Variants in C9orf43 observed in about 807,000 individuals in gnomAD.
The protein encoded by C9orf43 is uncharacterized protein C9orf43.
A neutral mutation model predicts 59.1 loss-of-function variants in C9orf43; 45 were observed. That is an observed-to-expected ratio of 0.76 (90% CI 0.60 to 0.98). C9orf43 has a LOEUF of 0.98. Among genes scored for constraint, C9orf43 ranks in the 50% least tolerant of loss-of-function variants. The pLI, the probability that C9orf43 is intolerant of heterozygous loss-of-function variation, is 0.00. For synonymous variants in C9orf43, 203 were observed against 196.8 expected (o/e 1.03, Z -0.26); for missense variants, 533 against 554.9 (o/e 0.96, Z 0.40).
rs1046445000 is a variant in C9orf43 at position 113,425,273 on chromosome 9, G to T, written c.866-71G>T. ...CCAGGGAGTCACCATTGTGAAGGAAGGCACAGCAGGCATTCCAGTGGGAGA... is the reference window on the plus strand; with the variant it reads ...CCAGGGAGTCACCATTGTGAAGGAATGCACAGCAGGCATTCCAGTGGGAGA... On this transcript the variant is annotated intron_variant, in intron 9 of 13. Coordinates refer to ENST00000374165, the MANE Select transcript of C9orf43 (RefSeq NM_001278629.2). 54 of 1,595,028 alleles carry T rather than the reference G, an allele frequency of 3.4e-5. No homozygotes were observed. The African/African-American group carries it at 6.6e-4, about 19-fold the overall frequency.
At chr9:113,413,057 A>G (rs1828229280) in intron 1 of C9orf43, among the ~76,000 whole-genome samples, 1 of 152,230 alleles carries the variant, frequency 6.6e-6, no homozygotes, top group Admixed American at 6.5e-5. Context: ...ATGACTAACG[A>G]AGGGGAAAAG....
chr9:113,420,600 A>C (rs1235184565), intron 4 of C9orf43, among the ~76,000 whole-genome samples: 1 of 151,698 alleles, frequency 6.6e-6, no homozygotes. Flanking sequence ...TTCCTTGAGC[A>C]CTATGTTCTA....
At chr9:113,421,041 C>G (rs1429834741) in intron 4 of C9orf43, 62 bp from the exon 5 acceptor site, 3 of 1,311,036 alleles carry the variant, frequency 2.3e-6, no homozygotes. Context: ...TTAGCATATC[C>G]TTAATCTGAT....
At chr9:113,427,580 T>C (rs931387204) in intron 11 of C9orf43, among the ~76,000 whole-genome samples, 55 of 152,352 alleles carry the variant, frequency 3.6e-4, no homozygotes, top group African/African-American at 1.3e-3. Flanking sequence ...GTTTGTTTTT[T>C]AAAGCTCTTC....
Position 113,429,208 on chromosome 9 carries a change from A to G in C9orf43, c.1208A>G (p.Asp403Gly). 6.2e-7 allele frequency: 1 copy of G among 1,614,188 alleles called. No homozygotes were observed. Among genetic ancestry groups the G allele is most frequent in the Non-Finnish European group, 8.5e-7 (1 of 1,180,034 alleles). Reference protein sequence around the residue: ...ELYETEPTNKDISAPVDAVPE... With the variant: ...ELYETEPTNKGISAPVDAVPE... ...TATGAAACAGAACCCACTAACAAGG[A>G]CATTAGTGCTCCAGTGGACGCTGTG... Residue 403 changes from aspartate to glycine, a missense_variant, in exon 14 of 14, where the codon GAC (aspartate) becomes GGC (glycine). By Grantham distance (94) the Asp-to-Gly change is moderately conservative. Coordinates refer to ENST00000374165, the MANE Select transcript of C9orf43 (RefSeq NM_001278629.2).
intron 11 of C9orf43, among the ~76,000 whole-genome samples, chr9:113,427,481 A>G (rs1828835482): frequency 6.6e-6 from 1 of 152,354 alleles, no homozygotes; most frequent in South Asian, 2.1e-4. Flanking sequence ...CCAGCCAAGA[A>G]GCTTTTAAAA....
chr9:113,419,237 T>C, intron 4 of C9orf43, 72 bp downstream of exon 4: 4 of 1,152,478 alleles, frequency 3.5e-6, no homozygotes, highest in Non-Finnish European at 5.1e-6. Flanking sequence ...ATTCTGCCTT[T>C]ATTTGAAATT....
rs1197266068 is a variant in C9orf43 at position 113,425,056 on chromosome 9, T to C, written c.845T>C (p.Leu282Ser). 2 of 1,613,330 alleles carry C rather than the reference T, an allele frequency of 1.2e-6. No homozygotes were observed. The highest frequency in any genetic ancestry group is 8.5e-7 in the Non-Finnish European group (1 of 1,179,968). ...ALRYPERLKK[L>S]HNLKTEGYRK... ...CGATATCCTGAACGTTTGAAGAAAT[T>C]ACATAACCTGAAGACAGAAGGTAGA... Residue 282 changes from leucine to serine, a missense_variant, in exon 9 of 14, where the codon TTA becomes TCA. Leu to Ser is a moderately radical substitution (Grantham distance 145). Transcript: ENST00000374165.
intron 13 of C9orf43, 56 bp from the exon 14 acceptor site, chr9:113,429,116 T>G: frequency 1.9e-6 from 3 of 1,560,474 alleles, no homozygotes; most frequent in Non-Finnish European, 2.6e-6. Flanking sequence ...CTGTCCTCCA[T>G]TTGTTGTAGT....
intron 5 of C9orf43, 117 bp from the exon 6 acceptor site, chr9:113,422,432 A>C (rs1828612283): frequency 7.8e-6 from 11 of 1,402,840 alleles, no homozygotes; most frequent in Non-Finnish European, 8.7e-6. Flanking sequence ...TGTGGTCATC[A>C]TTCACAAATA....
chr9:113,421,219 G>T lies in C9orf43; in HGVS notation c.446+16G>T. On this transcript the variant is annotated intron_variant, in intron 5 of 13. Transcript: ENST00000374165. ...TACATGTGAGGTGAGTATCATATCT[G>T]GAACTCAGAGGACTTTGACTCTATA... 1 of 1,552,478 alleles carries T rather than the reference G, an allele frequency of 6.4e-7. No individual in the cohort carries two copies. Among genetic ancestry groups the T allele is most frequent in the Non-Finnish European group, 8.9e-7 (1 of 1,124,440 alleles).
intron 10 of C9orf43, 101 bp from the exon 11 acceptor site, chr9:113,425,542 C>A (rs967433448): frequency 8.1e-6 from 12 of 1,484,424 alleles, no homozygotes; most frequent in Admixed American, 2.1e-5. Flanking sequence ...AAGTTCTTGT[C>A]TGGTTGTAGA....
intron 10 of C9orf43, 106 bp downstream of exon 10, chr9:113,425,526 G>C: frequency 6.7e-7 from 1 of 1,490,330 alleles, no homozygotes; most frequent in Non-Finnish European, 9.1e-7. Context: ...TCTGGTTATA[G>C]ATAAAAAGTT....
intron 4 of C9orf43, 42 bp from the exon 5 acceptor site, chr9:113,421,061 T>C: frequency 6.9e-7 from 1 of 1,456,654 alleles, no homozygotes; most frequent in Non-Finnish European, 9.6e-7. Context: ...TATAGGAGCT[T>C]AGCACCTCAA....
rs780986577 is a variant in C9orf43, at chr9:113,428,954, A to G, written c.1162A>G (p.Ser388Gly). The change falls in exon 13 of 14, where the codon AGT becomes GGT. Residue 388 changes from serine to glycine, a missense_variant. Physicochemically the swap from Ser to Gly is moderately conservative, Grantham distance 56 (BLOSUM62 0). Coordinates refer to ENST00000374165, the MANE Select transcript of C9orf43 (RefSeq NM_001278629.2). ...CTATGACCATGCGGATTTCCACCAC[A>G]GTGTAAAAAGTAAGTTACTAGAGTA... ...NYYDHADFHHSVKSPELYETE... is the reference protein window; with the variant it reads ...NYYDHADFHHGVKSPELYETE... The G allele has an allele frequency of 9.9e-6, 16 of 1,613,612 alleles. No individual in the cohort carries two copies. The East Asian group carries it at 1.8e-4, about 18-fold the overall frequency.
At chr9:113,411,237 A>G (rs1402137044) in intron 1 of C9orf43, 1 of 485,582 alleles carries the variant, frequency 2.1e-6, no homozygotes, top group Non-Finnish European at 2.7e-6. Context: ...TTTATTTTTC[A>G]GTTAAATTGT....
chr9:113,416,314 A>G (rs1438845401), intron 3 of C9orf43, among the ~76,000 whole-genome samples: 3 of 152,238 alleles, frequency 2.0e-5, no homozygotes, highest in Non-Finnish European at 2.9e-5. Flanking sequence ...AACAGACTCA[A>G]ACCTCCCAAC....
chr9:113,421,185 A>G lies in C9orf43; in HGVS notation c.428A>G (p.Glu143Gly). ...RNMVVLWIPEETEIHVSQHGK... is the reference protein window; with the variant it reads ...RNMVVLWIPEGTEIHVSQHGK... ...ATGGTTGTATTGTGGATCCCAGAAG[A>G]AACAGAGATACATGTGAGGTGAGTA... Residue 143 changes from glutamate (E) to glycine (G), a missense_variant, in exon 5 of 14, where the codon GAA (glutamate) becomes GGA (glycine). Physicochemically the swap from Glu to Gly is moderately conservative, Grantham distance 98 (BLOSUM62 -2). Coordinates refer to ENST00000374165, the MANE Select transcript of C9orf43 (RefSeq NM_001278629.2). 3.1e-6 allele frequency: 5 copies of G among 1,611,866 alleles called. No homozygotes were observed. Among genetic ancestry groups the G allele is most frequent in the Non-Finnish European group, 4.2e-6 (5 of 1,178,126 alleles).
intron 1 of C9orf43, among the ~76,000 whole-genome samples, chr9:113,413,127 T>A (rs1334660210): frequency 6.6e-6 from 1 of 152,242 alleles, no homozygotes; most frequent in African/African-American, 2.4e-5. Context: ...CATTAACTAA[T>A]TTTTATAATG....
Sources: allele counts gnomAD v4.1 joint callset (sites outside exome capture counted in the v4.1 genomes callset), GRCh38; gene constraint gnomAD v4.1.1; transcripts MANE v1.5; gene names NCBI Gene and HGNC (gene_info 2026-07-23, HGNC 2026-07-21).